PATJ: variants seen among roughly 807,000 people sequenced by gnomAD.
PATJ encodes inaD-like protein.
PATJ carries 190 observed loss-of-function variants against 224.9 expected under a neutral mutation model. That is an observed-to-expected ratio of 0.84 (90% confidence interval 0.75 to 0.95). The LOEUF (loss-of-function observed/expected upper bound fraction) is 0.95. PATJ is among the 40% of genes least tolerant of loss of function. The pLI, the probability that PATJ is intolerant of heterozygous loss-of-function variation, is 0.00. For missense variants in PATJ, 2,121 were observed against 2,270.3 expected (o/e 0.93, Z 1.34); for synonymous variants, 769 against 820.3 (o/e 0.94, Z 1.07).
chr1:61,870,446 G>A (rs1666159675), intron 20 of PATJ, among the ~76,000 whole-genome samples: 1 of 152,142 alleles, frequency 6.6e-6, no homozygotes. Context: ...GGGCATGGGT[G>A]GTTTAGGAAA....
At chr1:61,892,554 C>G (rs1174601196) in intron 22 of PATJ, among the ~76,000 whole-genome samples, 1 of 152,088 alleles carries the variant, frequency 6.6e-6, no homozygotes, top group Non-Finnish European at 1.5e-5. Flanking sequence ...TGATAAAGGC[C>G]TGAAATAAAA....
intron 27 of PATJ, among the ~76,000 whole-genome samples, chr1:61,986,229 A>T (rs1210416038): frequency 6.6e-6 from 1 of 152,072 alleles, no homozygotes; most frequent in East Asian, 1.9e-4. Context: ...TGTCTTTAAT[A>T]GCTAGTAGTT....
chr1:61,887,297 A>G (rs1474673493), intron 22 of PATJ, among the ~76,000 whole-genome samples: 7 of 152,120 alleles, frequency 4.6e-5, no homozygotes, highest in African/African-American at 1.7e-4. Flanking sequence ...CAGGAAGGAA[A>G]GGAAGGTCTG....
chr1:61,795,368 C>A, intron 9 of PATJ, 99 bp from the exon 10 acceptor site: 1 of 609,094 alleles, frequency 1.6e-6, no homozygotes, highest in Non-Finnish European at 2.9e-6. Context: ...ATCAAACCTC[C>A]AGTCAACCCC....
intron 29 of PATJ, among the ~76,000 whole-genome samples, chr1:62,020,732 T>C (rs1647029751): frequency 6.6e-6 from 1 of 152,228 alleles, no homozygotes; most frequent in East Asian, 1.9e-4. Context: ...GAAGTATCAA[T>C]GTACATTTAA....
chr1:61,991,838 C>A, intron 28 of PATJ: 2 of 602,914 alleles, frequency 3.3e-6, no homozygotes, highest in Non-Finnish European at 4.2e-6. Context: ...AGAGATGAGA[C>A]AAAAGTGATG....
rs60747316 is a variant in PATJ, at chr1:62,062,392, C to CTTTTTTTTTTTTTTTTTTTTTTTTTTTT, written c.4125+11361_4125+11362insTTTTTTTTTTTTTTTTTTTTTTTTTTTT. ...TGGTTGGCTGCTTCTATGTTGTCTT[C>CTTTTTTTTTTTTTTTTTTTTTTTTTTTT]TTTTTTTTTTTTTTTTTTTTTTTTT... On this transcript the variant is annotated intron_variant, in intron 31 of 43. Coordinates refer to ENST00000642238, the MANE Select transcript of PATJ (RefSeq NM_001350145.3). 6.7e-4 allele frequency among the ~76,000 whole-genome samples: 19 copies of CTTTTTTTTTTTTTTTTTTTTTTTTTTTT among 28,480 alleles called. 4 individuals carry two copies. The highest frequency in any genetic ancestry group is 1.7e-3 in the South Asian group (1 of 598). 18.7% of individuals were successfully genotyped at this position (28,480 alleles called of 152,430 possible). A position where few individuals can be genotyped will look rare whatever the true frequency, so the allele number is the denominator to read the frequency against.
chr1:62,127,489 C>T (rs1268504292), intron 39 of PATJ, among the ~76,000 whole-genome samples: 1 of 151,828 alleles, frequency 6.6e-6, no homozygotes, highest in East Asian at 1.9e-4. Flanking sequence ...GTAACTTCCC[C>T]CAAGACCCCA....
chr1:61,852,265 G>T (rs1206531979), intron 17 of PATJ, among the ~76,000 whole-genome samples: 1 of 152,042 alleles, frequency 6.6e-6, no homozygotes, highest in Non-Finnish European at 1.5e-5. Flanking sequence ...AGAAGAGAAT[G>T]GCTCCCATAG....
chr1:62,140,128 A>T (rs768320710), intron 41 of PATJ, among the ~76,000 whole-genome samples: 1 of 152,134 alleles, frequency 6.6e-6, no homozygotes, highest in Non-Finnish European at 1.5e-5. Context: ...GCTGTCAGTG[A>T]AAGTCCATCA....
intron 27 of PATJ, among the ~76,000 whole-genome samples, chr1:61,984,398 G>A (rs1046219158): frequency 2.0e-5 from 3 of 151,890 alleles, no homozygotes; most frequent in African/African-American, 7.3e-5. Flanking sequence ...GACCTGGCTA[G>A]TGATCTGCCC....
At chr1:61,760,983 T>C (rs1212307672) in intron 1 of PATJ, among the ~76,000 whole-genome samples, 1 of 151,878 alleles carries the variant, frequency 6.6e-6, no homozygotes, top group Admixed American at 6.6e-5. Context: ...GGAATTTTTC[T>C]TTTATTTTTT....
Position 62,114,179 on chromosome 1 carries a change from G to C in PATJ, c.4588G>C (p.Glu1530Gln). The change falls in exon 35 of 44, where the codon GAG becomes CAG. Residue 1530 changes from glutamate (E) to glutamine (Q), a missense_variant. By Grantham distance (29) the Glu-to-Gln change is conservative (BLOSUM62 2). Coordinates refer to ENST00000642238, the MANE Select transcript of PATJ (RefSeq NM_001350145.3). Reference protein sequence around the residue: ...EAHYRDEENLEIFPVDLQKKA... With the variant: ...EAHYRDEENLQIFPVDLQKKA... The stretch of plus-strand genomic sequence containing the variant: ...ACACTACCGGGATGAGGAGAACTTG[G>C]AGATTTTCCCTGTGGATCTGCAGAA... 6.2e-7 allele frequency: 1 copy of C among 1,614,040 alleles called. No individual in the cohort carries two copies. The highest frequency in any genetic ancestry group is 2.2e-5 in the East Asian group (1 of 44,892).
intron 13 of PATJ, 43 bp downstream of exon 13, chr1:61,805,567 C>G: frequency 8.6e-7 from 1 of 1,167,324 alleles, no homozygotes; most frequent in Non-Finnish European, 1.3e-6. Flanking sequence ...TGTCTCATTT[C>G]ACATCAAGTT....
At chr1:61,911,874 A>G (rs1448631389) in intron 25 of PATJ, among the ~76,000 whole-genome samples, 2 of 149,608 alleles carry the variant, frequency 1.3e-5, no homozygotes, top group Non-Finnish European at 3.0e-5. Flanking sequence ...TAGAAATATT[A>G]GGTACTAGCA....
At chr1:62,000,705 A>G (rs924102592) in intron 28 of PATJ, among the ~76,000 whole-genome samples, 3 of 150,888 alleles carry the variant, frequency 2.0e-5, no homozygotes, top group Non-Finnish European at 4.4e-5. Context: ...TCCTTTGGGT[A>G]TATACCCAGT....
chr1:61,819,484 A>G (rs562101459), intron 14 of PATJ, among the ~76,000 whole-genome samples: 2 of 152,268 alleles, frequency 1.3e-5, no homozygotes, highest in Non-Finnish European at 2.9e-5. Context: ...TTTCCAGCTC[A>G]TAGCCCAATG....
intron 26 of PATJ, among the ~76,000 whole-genome samples, chr1:61,920,712 T>C (rs1006817344): frequency 1.6e-4 from 23 of 142,462 alleles, no homozygotes; most frequent in Admixed American, 9.1e-4. Context: ...CTTTTTTTTT[T>C]TTTTTTTTTT....
At chr1:62,140,324 G>A (rs1275734230) in intron 41 of PATJ, among the ~76,000 whole-genome samples, 1 of 152,146 alleles carries the variant, frequency 6.6e-6, no homozygotes, top group Non-Finnish European at 1.5e-5. Flanking sequence ...CGATGCTACA[G>A]AAGTGTTTTT....
Sources: gnomAD v4.1 joint callset for allele counts (sites outside exome capture counted in the v4.1 genomes callset) on GRCh38, gnomAD v4.1.1 for gene constraint, MANE v1.5 for transcripts, NCBI Gene and HGNC (gene_info 2026-07-23, HGNC 2026-07-21) for gene names.